The following AHNAK2 variants were observed in gnomAD, a reference collection of about 807,000 sequenced individuals.
AHNAK2 encodes AHNAK nucleoprotein 2.
AHNAK2 carries 18 observed loss-of-function variants against 30.7 expected under a neutral mutation model. The ratio of observed to expected loss-of-function variants is 0.59; its 90% CI spans 0.41 to 0.87. The LOEUF (loss-of-function observed/expected upper bound fraction) is 0.87. Among genes scored for constraint, AHNAK2 ranks in the 40% least tolerant of loss-of-function variants. The probability of loss-of-function intolerance (pLI) is 0.00; values close to 1 mark genes in which losing one functional copy is unlikely to be tolerated. For synonymous variants in AHNAK2, 3,590 were observed against 3,073.8 expected, an observed-to-expected ratio of 1.17 and a Z score of -5.56; for missense variants, 8,604 against 7,373.0, an observed-to-expected ratio of 1.17 and a Z score of -6.11.
At position 104,943,225 on chromosome 14, in the gene AHNAK2, G is replaced by T. The variant is rs1427412886; in HGVS notation, c.12226C>A (p.Pro4076Thr). ...LKGPQIDVKG[P>T]KLDLKGPKAE... is the part of the protein sequence containing the mutation. ...TTGGGGCCTTTCAGGTCCAGCTTGGGGCCCTTAACATCTATCTGGGGGCCC... is the reference window on the plus strand; with the variant it reads ...TTGGGGCCTTTCAGGTCCAGCTTGGTGCCCTTAACATCTATCTGGGGGCCC... The change falls in exon 7 of 7, where the codon CCC becomes ACC. Residue 4076 changes from proline (P) to threonine (T), a missense_variant. Transcript: ENST00000333244. The T allele has an allele frequency of 3.1e-6, 5 of 1,612,890 alleles. No individual in the cohort carries two copies. The highest frequency in any genetic ancestry group is 4.2e-6 in the Non-Finnish European group (5 of 1,179,562).
Position 104,946,846 on chromosome 14 carries a change from G to A in AHNAK2, c.8605C>T (p.Gln2869Ter). ...ACCTGGCCAGCCTGGACCTCCAGTTGGGCGGAGGGGGGCTGAATGCGGATG... is the reference window on the plus strand; with the variant it reads ...ACCTGGCCAGCCTGGACCTCCAGTTAGGCGGAGGGGGGCTGAATGCGGATG... ...TDIRIQPPSA[Q>*]LEVQAGQVDV... is the part of the protein sequence containing the mutation. The change falls in exon 7 of 7, where the codon CAA becomes TAA. Residue 2869 changes from glutamine (Q) to a stop codon, truncating the protein, a stop_gained. Transcript: ENST00000333244. LOFTEE classifies it low-confidence loss of function (END_TRUNC). 3 of 1,608,014 alleles carry A rather than the reference G, an allele frequency of 1.9e-6. No homozygotes were observed. The highest frequency in any genetic ancestry group is 1.7e-6 in the Non-Finnish European group (2 of 1,178,826).
Position 104,943,909 on chromosome 14 carries a change from T to G in AHNAK2, c.11542A>C (p.Thr3848Pro). The change falls in exon 7 of 7, where the codon ACC becomes CCC. Residue 3848 changes from threonine (T) to proline (P), a missense_variant. Physicochemically the swap from Thr to Pro is conservative, Grantham distance 38. Coordinates refer to ENST00000333244, the MANE Select transcript of AHNAK2 (RefSeq NM_138420.4). ...SLPSMQGDLK[T>P]TDLSIQPHSA... is the part of the protein sequence containing the mutation. ...TGGGGCTGAATGCTGAGGTCAGTGG[T>G]CTTGAGGTCCCCCTGCATGGAGGGG... 6.2e-7 allele frequency: 1 copy of G among 1,608,764 alleles called. No homozygotes were observed. The highest frequency in any genetic ancestry group is 1.1e-5 in the South Asian group (1 of 90,784).
rs367631080 is a variant in AHNAK2 at position 104,944,487 on chromosome 14, T to A, written c.10964A>T (p.Lys3655Met). Residue 3655 changes from lysine (K) to methionine (M), a missense_variant, in exon 7 of 7, where the codon AAG (lysine) becomes ATG (methionine). Physicochemically the swap from Lys to Met is moderately conservative, Grantham distance 95. Transcript: ENST00000333244. ...CACATCCACCGAGGCCTCCATGGAC[T>A]TCCCTGGGGCCGATACCCTGAATGA... ...MPSFRVSAPG[K>M]SMEASVDVSA... 6.2e-7 allele frequency: 1 copy of A among 1,612,566 alleles called. No homozygotes were observed. The highest frequency in any genetic ancestry group is 1.7e-5 in the Admixed American group (1 of 59,940).
chr14:104,962,994 G>A lies in AHNAK2; in HGVS notation c.56-5322C>T, dbSNP rs973711941. Among the ~76,000 whole-genome samples the A allele has an allele frequency of 5.3e-5, 8 of 152,302 alleles. No homozygotes were observed. The East Asian group carries it at 7.7e-4, about 15-fold the overall frequency. On this transcript the variant is annotated intron_variant, in intron 1 of 6. Coordinates refer to ENST00000333244, the MANE Select transcript of AHNAK2 (RefSeq NM_138420.4). ...ATACAGAAGGTAAGGATCATAGAAC[G>A]AAAACTGATAAATTTAAGTTCTCAT...
At chr14:104,955,775 C>T in intron 4 of AHNAK2, 142 bp from the exon 5 acceptor site, 1 of 1,166,142 alleles carries the variant, frequency 8.6e-7, no homozygotes, top group Non-Finnish European at 1.1e-6. Context: ...AGTAGGGTAC[C>T]CACCAGGTGG....
At position 104,937,793 on chromosome 14, in the gene AHNAK2, C is replaced by G; in HGVS notation, c.*270G>C. The G allele has an allele frequency of 4.7e-6, 2 of 425,592 alleles. No homozygotes were observed. The highest frequency in any genetic ancestry group is 8.3e-6 in the Non-Finnish European group (2 of 241,686). The allele number at this position is 425,592 out of a possible 1,614,324, so 26.4% of individuals were successfully genotyped here. ...GACCAACAAACTTCCCCAGCAGTGCCTCTGAGTACCGTGTGAATTCTGGTG... is the reference window on the plus strand; with the variant it reads ...GACCAACAAACTTCCCCAGCAGTGCGTCTGAGTACCGTGTGAATTCTGGTG... On this transcript the variant is annotated 3_prime_UTR_variant, in exon 7 of 7. Transcript: ENST00000333244.
At position 104,938,753 on chromosome 14, in the gene AHNAK2, G is replaced by C. The variant is rs141727495; in HGVS notation, c.16698C>G (p.Leu5566=). The change falls in exon 7 of 7, where the codon CTC becomes CTG. Residue 5566 remains leucine, a synonymous_variant. Coordinates refer to ENST00000333244, the MANE Select transcript of AHNAK2 (RefSeq NM_138420.4). ...CAAATGGTTCTCCAGTGTCAGGCTG[G>C]AGATCTCCAGAAATGGAGTCTACTC... ...TPGVDSISGD[L]QPDTGEPFEM... is the part of the protein sequence containing the mutation. 1.2e-6 allele frequency: 2 copies of C among 1,613,938 alleles called. No individual in the cohort carries two copies. Among genetic ancestry groups the C allele is most frequent in the Non-Finnish European group, 1.7e-6 (2 of 1,179,892 alleles).
At position 104,950,618 on chromosome 14, in the gene AHNAK2, T is replaced by C. The variant is rs746925445; in HGVS notation, c.4833A>G (p.Glu1611=). The change falls in exon 7 of 7, where the codon GAA becomes GAG. Residue 1611 remains glutamate (E), a synonymous_variant. Transcript: ENST00000333244. ...ACATCTTCACATCGGGGGCTGTCACTTCCACCTTGGGGCCTTTCAGGTCCA... is the reference window on the plus strand; with the variant it reads ...ACATCTTCACATCGGGGGCTGTCACCTCCACCTTGGGGCCTTTCAGGTCCA... ...PKLDLKGPKV[E]VTAPDVKMSL... is the part of the protein sequence containing the mutation. 9 of 1,584,978 alleles carry C rather than the reference T, an allele frequency of 5.7e-6. 2 individuals are homozygous for C. Among genetic ancestry groups the C allele is most frequent in the African/African-American group, 4.1e-5 (3 of 72,522 alleles).
At chr14:104,976,869 G>A (rs751927589) in intron 1 of AHNAK2, among the ~76,000 whole-genome samples, 2 of 152,148 alleles carry the variant, frequency 1.3e-5, no homozygotes, top group African/African-American at 2.4e-5. Flanking sequence ...CCTCTGAGGA[G>A]GTCGACCTGC....
rs183423977 is a variant in AHNAK2, at chr14:104,947,567, C to G, written c.7884G>C (p.Ala2628=). The change falls in exon 7 of 7, where the codon GCG becomes GCC. Residue 2628 remains alanine, a synonymous_variant. Transcript: ENST00000333244. ...CCAGGGACAGGTCCCCCTCCAGCCG[C>G]GCACCATCCAGCTTTGCTCTCGGGG... ...VQAPRAKLDG[A]RLEGDLSLAD... 68 of 1,612,872 alleles carry G rather than the reference C, an allele frequency of 4.2e-5. No homozygotes were observed. The highest frequency in any genetic ancestry group is 3.7e-4 in the Admixed American group (22 of 59,954).
At chr14:104,978,095 TGC>T (rs1899642420) in intron 1 of AHNAK2, 86 bp downstream of exon 1, 2 of 1,097,520 alleles carry the variant, frequency 1.8e-6, no homozygotes, top group Non-Finnish European at 2.3e-6. Context: ...AGGCCCGCAC[TGC>T]GCGCCCCTGG....
Position 104,952,650 on chromosome 14 carries a change from G to A in AHNAK2, c.2801C>T (p.Pro934Leu). 6.2e-7 allele frequency: 1 copy of A among 1,612,254 alleles called. No homozygotes were observed. The highest frequency in any genetic ancestry group is 8.5e-7 in the Non-Finnish European group (1 of 1,179,502). ...FKMPKVDLKG[P>L]QIDVKGPKLD... is the part of the protein sequence containing the mutation. Reference sequence around the variant, plus strand: ...CTTGGGGCCCTTAACATCTATCTGGGGGCCCTTGAGGTCCACTTTGGGCAT... The same window carrying A: ...CTTGGGGCCCTTAACATCTATCTGGAGGCCCTTGAGGTCCACTTTGGGCAT... Residue 934 changes from proline to leucine, a missense_variant, in exon 7 of 7, where the codon CCC (proline) becomes CTC (leucine). Physicochemically the swap from Pro to Leu is moderately conservative, Grantham distance 98. Transcript: ENST00000333244.
intron 1 of AHNAK2, chr14:104,970,394 C>T: frequency 2.0e-6 from 2 of 984,844 alleles, no homozygotes; most frequent in Non-Finnish European, 2.4e-6. Context: ...CTGCTGGCCC[C>T]CACAGACCCG....
chr14:104,946,624 T>C lies in AHNAK2; in HGVS notation c.8827A>G (p.Ser2943Gly), dbSNP rs539620724. 3.7e-6 allele frequency: 6 copies of C among 1,611,604 alleles called. No homozygotes were observed. In the African/African-American group the frequency reaches 4.0e-5, roughly 11 times the overall value. Reference protein sequence around the residue: ...TAPDVEVSLPSVEVDVEAPRA... With the variant: ...TAPDVEVSLPGVEVDVEAPRA... ...GGGGCCTCGACGTCCACCTCCACGC[T>C]GGGCAGAGACACCTCCACGTCGGGG... The change falls in exon 7 of 7, where the codon AGC (serine) becomes GGC (glycine). Residue 2943 changes from serine (S) to glycine (G), a missense_variant. Coordinates refer to ENST00000333244, the MANE Select transcript of AHNAK2 (RefSeq NM_138420.4).
rs11850930 is a variant in AHNAK2, at chr14:104,949,627, C to T, written c.5824G>A (p.Val1942Met). ...GACACCTCGACATCGGGGGCTGTCACTTCCGCCTTGGGGCCTTTCAGGTCC... is the reference window on the plus strand; with the variant it reads ...GACACCTCGACATCGGGGGCTGTCATTTCCGCCTTGGGGCCTTTCAGGTCC... ...KLDLKGPKAEVTAPDVEVSLP... is the reference protein window; with the variant it reads ...KLDLKGPKAEMTAPDVEVSLP... Residue 1942 changes from valine to methionine, a missense_variant, in exon 7 of 7, where the codon GTG becomes ATG. Coordinates refer to ENST00000333244, the MANE Select transcript of AHNAK2 (RefSeq NM_138420.4). 4,552 of 1,588,916 alleles carry T rather than the reference C, an allele frequency of 2.9e-3. 475 individuals carry two copies. In the African/African-American group the frequency reaches 0.055, roughly 19 times the overall value.
chr14:104,957,374 C>T lies in AHNAK2; in HGVS notation c.213+36G>A, dbSNP rs779055886. 14 of 1,538,316 alleles carry T rather than the reference C, an allele frequency of 9.1e-6. 2 individuals are homozygous for T. In the South Asian group the frequency reaches 1.7e-4, roughly 18 times the overall value. On this transcript the variant is annotated intron_variant, in intron 3 of 6. Transcript: ENST00000333244. ...CCACACAGGGCGATGCAGGAGGAGA[C>T]CTGGGTGCCTGTGGGGCTCTGCCCA...
rs1898095916 is a variant in AHNAK2, at chr14:104,943,538, G to A, written c.11913C>T (p.Pro3971=). Residue 3971 remains proline (P), a synonymous_variant, in exon 7 of 7, where the codon CCC becomes CCT. Transcript: ENST00000333244. The part of the protein sequence containing the change: ...MTAKDSKFKM[P]KFKMPSFGVS... ...CCCCGAACGACGGCATCTTGAACTTGGGCATTTTGAACTTGCTGTCTTTGG... is the reference window on the plus strand; with the variant it reads ...CCCCGAACGACGGCATCTTGAACTTAGGCATTTTGAACTTGCTGTCTTTGG... The A allele has an allele frequency of 6.2e-7, 1 of 1,613,008 alleles. No homozygotes were observed. The highest frequency in any genetic ancestry group is 8.5e-7 in the Non-Finnish European group (1 of 1,179,558).
rs1336935620 is a variant in AHNAK2, at chr14:104,964,406, C to T, written c.56-6734G>A. The stretch of plus-strand genomic sequence containing the variant: ...TGGGTTGGGGGTCAGCTGGCGCAAC[C>T]ACTTGGAAACAGCCTGGTAGAGCCT... On this transcript the variant is annotated intron_variant, in intron 1 of 6. Coordinates refer to ENST00000333244, the MANE Select transcript of AHNAK2 (RefSeq NM_138420.4). 8.5e-5 allele frequency among the ~76,000 whole-genome samples: 13 copies of T among 152,064 alleles called. 1 individual carries two copies. Among genetic ancestry groups the T allele is most frequent in the Non-Finnish European group, 1.5e-4 (10 of 68,026 alleles).
chr14:104,947,359 T>A lies in AHNAK2; in HGVS notation c.8092A>T (p.Ile2698Phe), dbSNP rs1486216190. The change falls in exon 7 of 7, where the codon ATT becomes TTT. Residue 2698 changes from isoleucine (I) to phenylalanine (F), a missense_variant. Coordinates refer to ENST00000333244, the MANE Select transcript of AHNAK2 (RefSeq NM_138420.4). ...QGDLKTTDIS[I>F]QPPSAQLEVQ... is the part of the protein sequence containing the mutation. ...TCCAGTTGGGCAGAGGGGGGCTGAA[T>A]GCTGATGTCAGTGGTCTTAAGGTCC... The A allele has an allele frequency of 1.2e-6, 2 of 1,612,366 alleles. No individual in the cohort carries two copies. The highest frequency in any genetic ancestry group is 8.5e-7 in the Non-Finnish European group (1 of 1,179,524).
Sources: allele counts gnomAD v4.1 joint callset (sites outside exome capture counted in the v4.1 genomes callset), GRCh38; gene constraint gnomAD v4.1.1; transcripts MANE v1.5; gene names NCBI Gene and HGNC (gene_info 2026-07-23, HGNC 2026-07-21).